Variants in PLPPR1 observed in about 807,000 individuals in gnomAD.
PLPPR1 encodes phospholipid phosphatase-related protein type 1.
In PLPPR1, 10 loss-of-function variants were observed where a neutral mutation model predicts 33.1. The ratio of observed to expected loss-of-function variants is 0.30; its 90% CI spans 0.19 to 0.51. The LOEUF is 0.51. Among genes scored for constraint, PLPPR1 ranks in the 20% least tolerant of loss-of-function variants. PLPPR1 has a pLI of 0.97. For missense variants in PLPPR1, 304 were observed against 408.1 expected (o/e 0.74, Z 2.20); for synonymous variants, 151 against 151.0 (o/e 1.00, Z 0.00).
intron 4 of PLPPR1, among the ~76,000 whole-genome samples, chr9:101,298,924 A>C (rs1828696607): frequency 6.6e-6 from 1 of 152,216 alleles, no homozygotes; most frequent in Admixed American, 6.5e-5. Flanking sequence ...GTTGGCAGTG[A>C]ATTCATAGCA....
intron 1 of PLPPR1, among the ~76,000 whole-genome samples, chr9:101,109,709 A>C (rs1390467702): frequency 2.0e-5 from 3 of 152,228 alleles, no homozygotes; most frequent in African/African-American, 7.2e-5. Flanking sequence ...AGTAATCTGT[A>C]ATCCTATTAT....
At chr9:101,234,129 A>G (rs1827246702) in intron 2 of PLPPR1, among the ~76,000 whole-genome samples, 1 of 151,772 alleles carries the variant, frequency 6.6e-6, no homozygotes. Flanking sequence ...GATTCTGCAT[A>G]TTCAGCTTAG....
intron 1 of PLPPR1, among the ~76,000 whole-genome samples, chr9:101,113,853 C>T (rs1004064988): frequency 2.0e-5 from 3 of 151,934 alleles, no homozygotes; most frequent in African/African-American, 7.3e-5. Flanking sequence ...GGTTATGTTG[C>T]AGAATTGTGC....
intron 7 of PLPPR1, among the ~76,000 whole-genome samples, chr9:101,321,699 G>A (rs1829152811): frequency 2.0e-5 from 3 of 150,498 alleles, no homozygotes; most frequent in Admixed American, 2.0e-4. Flanking sequence ...ATGTGGTATA[G>A]AGTCTCCAGA....
intron 1 of PLPPR1, among the ~76,000 whole-genome samples, chr9:101,038,297 T>A (rs1396746444): frequency 6.6e-6 from 1 of 152,156 alleles, no homozygotes; most frequent in Non-Finnish European, 1.5e-5. Context: ...TCAGTTGATA[T>A]ATCTTAGGGT....
intron 4 of PLPPR1, among the ~76,000 whole-genome samples, chr9:101,306,047 A>G (rs1222362790): frequency 6.6e-6 from 1 of 152,184 alleles, no homozygotes; most frequent in Non-Finnish European, 1.5e-5. Flanking sequence ...AGGTTTCCTT[A>G]GACAATCCAT....
chr9:101,037,229 C>T (rs557666352), intron 1 of PLPPR1, among the ~76,000 whole-genome samples: 9 of 152,154 alleles, frequency 5.9e-5, no homozygotes, highest in Admixed American at 4.6e-4. Context: ...AATAAATCCC[C>T]TGCTTGTGTG....
intron 1 of PLPPR1, among the ~76,000 whole-genome samples, chr9:101,036,100 A>G (rs1830006662): frequency 6.6e-6 from 1 of 152,100 alleles, no homozygotes; most frequent in Non-Finnish European, 1.5e-5. Context: ...GCATTAAAAT[A>G]TTGTTTACCT....
intron 1 of PLPPR1, among the ~76,000 whole-genome samples, chr9:101,156,648 T>C (rs1469502205): frequency 7.3e-6 from 1 of 136,948 alleles, no homozygotes; most frequent in East Asian, 2.0e-4. Flanking sequence ...TACGGTAAAA[T>C]AGTTATATAC....
intron 2 of PLPPR1, among the ~76,000 whole-genome samples, chr9:101,204,402 C>A (rs75238931): frequency 4.7e-4 from 71 of 152,312 alleles, no homozygotes; most frequent in African/African-American, 1.6e-3. Context: ...TAAACCCAAT[C>A]ATCTCTGGCT....
chr9:101,058,329 T>A (rs1206119813), intron 1 of PLPPR1, among the ~76,000 whole-genome samples: 1 of 114,626 alleles, frequency 8.7e-6, no homozygotes, highest in Non-Finnish European at 1.7e-5. Context: ...AGATACTTCA[T>A]GGGGCCCACC....
intron 1 of PLPPR1, among the ~76,000 whole-genome samples, chr9:101,174,438 T>A (rs1260581683): frequency 6.6e-6 from 1 of 152,216 alleles, no homozygotes; most frequent in African/African-American, 2.4e-5. Context: ...GGTCTGTGAC[T>A]TGACCACTAG....
At chr9:101,320,724 A>G (rs779976845) in intron 7 of PLPPR1, among the ~76,000 whole-genome samples, 5 of 152,258 alleles carry the variant, frequency 3.3e-5, no homozygotes, top group Non-Finnish European at 7.3e-5. Context: ...TTGTTGGTCA[A>G]GAAAAGAGAA....
At chr9:101,216,444 G>A (rs969033007) in intron 2 of PLPPR1, among the ~76,000 whole-genome samples, 13 of 152,020 alleles carry the variant, frequency 8.6e-5, no homozygotes, top group Non-Finnish European at 1.5e-4. Flanking sequence ...TTTGTCAGAT[G>A]GGTAGTTTGT....
chr9:101,143,795 G>C (rs1312437963), intron 1 of PLPPR1, among the ~76,000 whole-genome samples: 3 of 152,214 alleles, frequency 2.0e-5, no homozygotes, highest in Non-Finnish European at 4.4e-5. Flanking sequence ...TGCTGGAGAG[G>C]ATGTGGAGAA....
rs111673523 is a variant in PLPPR1, at chr9:101,060,857, T to C, written c.-46+31755T>C. Among the ~76,000 whole-genome samples the C allele has an allele frequency of 1.2e-3, 177 of 152,088 alleles. 1 individual carries two copies. The highest frequency in any genetic ancestry group is 4.0e-3 in the African/African-American group (168 of 41,556). On this transcript the variant is annotated intron_variant, in intron 1 of 7. Coordinates refer to ENST00000374874, the MANE Select transcript of PLPPR1 (RefSeq NM_207299.2). ...GTGAATTTTCCCCAGAGCCACTTTA[T>C]AAAGTACAAAAATGTTTTATCAATT...
rs375684268 is a variant in PLPPR1 at position 101,052,627 on chromosome 9, T to C, written c.-46+23525T>C. Among the ~76,000 whole-genome samples the C allele has an allele frequency of 9.2e-5, 14 of 152,190 alleles. No individual in the cohort carries two copies. The South Asian group carries it at 1.9e-3, about 20-fold the overall frequency. On this transcript the variant is annotated intron_variant, in intron 1 of 7. Transcript: ENST00000374874. The stretch of plus-strand genomic sequence containing the variant: ...GGAAGCTGGCTTGGGCTTATTTGCA[T>C]GGTGGCAGAAGATTTCCCAGCAGTA...
chr9:101,155,488 G>C (rs1831668856), intron 1 of PLPPR1, among the ~76,000 whole-genome samples: 1 of 152,104 alleles, frequency 6.6e-6, no homozygotes, highest in Admixed American at 6.5e-5. Flanking sequence ...CCGCACCCGT[G>C]ACAACAGCAT....
At chr9:101,307,050 G>A (rs549530175) in intron 4 of PLPPR1, among the ~76,000 whole-genome samples, 26 of 152,302 alleles carry the variant, frequency 1.7e-4, no homozygotes, top group African/African-American at 5.1e-4. Flanking sequence ...AGGCTGATGC[G>A]GTACTTCCTG....
Sources: allele counts gnomAD v4.1 joint callset (sites outside exome capture counted in the v4.1 genomes callset), GRCh38; gene constraint gnomAD v4.1.1; transcripts MANE v1.5; gene names NCBI Gene and HGNC (gene_info 2026-07-23, HGNC 2026-07-21).